The following ZBTB20 variants were observed in gnomAD, a reference collection of about 807,000 sequenced individuals.
ZBTB20 encodes the protein zinc finger and BTB domain containing 20.
A neutral mutation model predicts 56.9 loss-of-function variants in ZBTB20; 9 were observed. That is an observed-to-expected ratio of 0.16 (90% CI 0.10 to 0.28). The LOEUF (loss-of-function observed/expected upper bound fraction) is 0.28. Ranked by LOEUF, ZBTB20 falls within the 10% of genes least tolerant of loss-of-function variation. The pLI is 1.00. For missense variants in ZBTB20, 655 were observed against 1,003.0 expected, an observed-to-expected ratio of 0.65 and a Z score of 4.69; for synonymous variants, 417 against 420.7, an observed-to-expected ratio of 0.99 and a Z score of 0.11.
rs188797471 is a variant in ZBTB20 at position 114,681,095 on chromosome 3, A to G, written c.-295+12433T>C. On this transcript the variant is annotated intron_variant, in intron 6 of 11. Coordinates refer to ENST00000675478, the MANE Select transcript of ZBTB20 (RefSeq NM_001348800.3). ...CATATATTATCTCATTTAAATTATC[A>G]TTTAAAAACCCTTAGATTGTTAGTA... is the stretch of plus-strand genomic sequence containing the variant. Among the ~76,000 whole-genome samples the G allele has an allele frequency of 2.7e-3, 413 of 152,230 alleles. 1 individual carries two copies. Among genetic ancestry groups the G allele is most frequent in the Admixed American group, 5.9e-3 (90 of 15,292 alleles).
rs140537710 is a variant in ZBTB20 at position 114,770,909 on chromosome 3, C to T, written c.-343+30192G>A. Among the ~76,000 whole-genome samples the T allele has an allele frequency of 9.9e-5, 15 of 152,242 alleles. No individual in the cohort carries two copies. In the East Asian group the frequency reaches 2.9e-3, roughly 29 times the overall value. On this transcript the variant is annotated intron_variant, in intron 5 of 11. Coordinates refer to ENST00000675478, the MANE Select transcript of ZBTB20 (RefSeq NM_001348800.3). Reference sequence around the variant, plus strand: ...AATACTACAATGAGCATTTCCTTTGCTCATCATGTCCATGTTCAAAACATT... The same window carrying T: ...AATACTACAATGAGCATTTCCTTTGTTCATCATGTCCATGTTCAAAACATT...
chr3:114,702,118 G>T (rs572996057), intron 5 of ZBTB20, among the ~76,000 whole-genome samples: 2 of 152,196 alleles, frequency 1.3e-5, no homozygotes, highest in South Asian at 4.2e-4. Flanking sequence ...TGGGTGCATG[G>T]CTTGAGCCCA....
intron 5 of ZBTB20, among the ~76,000 whole-genome samples, chr3:114,696,786 G>A (rs1481846444): frequency 6.6e-6 from 1 of 152,000 alleles, no homozygotes; most frequent in South Asian, 2.1e-4. Flanking sequence ...GGGAAGGAGC[G>A]AAGGGCTACA....
chr3:114,552,436 T>A (rs9289000), intron 6 of ZBTB20, among the ~76,000 whole-genome samples: 60,833 of 151,724 alleles, frequency 0.4, 14,670 homozygotes, highest in East Asian at 0.78. Flanking sequence ...CTGTTTTTTT[T>A]TTTTTCCACT....
At chr3:114,368,634 G>A (rs1391968876) in intron 10 of ZBTB20, among the ~76,000 whole-genome samples, 1 of 152,206 alleles carries the variant, frequency 6.6e-6, no homozygotes, top group Admixed American at 6.5e-5. Context: ...CAACACGCAG[G>A]AAAGAATATG....
intron 4 of ZBTB20, among the ~76,000 whole-genome samples, chr3:114,849,719 C>T (rs2074898867): frequency 6.6e-6 from 1 of 151,952 alleles, no homozygotes; most frequent in South Asian, 2.1e-4. Flanking sequence ...GTCCCTAGGT[C>T]ACAGATTATA....
chr3:114,665,029 C>CTGA (rs2060967904), intron 6 of ZBTB20, among the ~76,000 whole-genome samples: 2 of 152,036 alleles, frequency 1.3e-5, no homozygotes. Flanking sequence ...AAAAGCTAAA[C>CTGA]TGATGGAACA....
chr3:114,785,938 T>C (rs1334141564), intron 5 of ZBTB20, among the ~76,000 whole-genome samples: 1 of 152,174 alleles, frequency 6.6e-6, no homozygotes, highest in Admixed American at 6.6e-5. Flanking sequence ...CTGATATCCC[T>C]GTCCCCAGCT....
chr3:114,595,809 G>A (rs1003361569), intron 6 of ZBTB20, among the ~76,000 whole-genome samples: 2 of 152,106 alleles, frequency 1.3e-5, no homozygotes, highest in African/African-American at 2.4e-5. Context: ...CACAAGATAC[G>A]GTCAAGGTTA....
rs1553807144 is a variant in ZBTB20 at position 114,748,279 on chromosome 3, C to CTTTCTTTCT, written c.-343+52821_-343+52822insAGAAAGAAA. ...GATGGTTCTGGGGTTTTTGTTGTAG[C>CTTTCTTTCT]TTCTTTCTTTCTTTCTTTCTTTCTT... On this transcript the variant is annotated intron_variant, in intron 5 of 11. Coordinates refer to ENST00000675478, the MANE Select transcript of ZBTB20 (RefSeq NM_001348800.3). Among the ~76,000 whole-genome samples, 176 of 104,536 alleles carry CTTTCTTTCT rather than the reference C, an allele frequency of 1.7e-3. 2 individuals carry two copies. Among genetic ancestry groups the CTTTCTTTCT allele is most frequent in the East Asian group, 8.6e-3 (28 of 3,258 alleles). 68.6% of individuals were successfully genotyped at this position (104,536 alleles called of 152,430 possible).
intron 4 of ZBTB20, among the ~76,000 whole-genome samples, chr3:114,836,737 A>G (rs1253936557): frequency 6.6e-6 from 1 of 152,144 alleles, no homozygotes; most frequent in Non-Finnish European, 1.5e-5. Flanking sequence ...TCACGAACAA[A>G]AATCACAATT....
At chr3:115,013,197 G>C (rs540205947) in intron 2 of ZBTB20, among the ~76,000 whole-genome samples, 1 of 151,226 alleles carries the variant, frequency 6.6e-6, no homozygotes, top group East Asian at 2.0e-4. Flanking sequence ...ATTAGTGGAA[G>C]AAAATAAATA....
intron 7 of ZBTB20, among the ~76,000 whole-genome samples, chr3:114,456,121 A>G (rs1305622674): frequency 6.6e-6 from 1 of 152,156 alleles, no homozygotes; most frequent in Non-Finnish European, 1.5e-5. Context: ...CCAATTTCTC[A>G]AAATGTTTAA....
chr3:115,035,972 C>G (rs2080900158), intron 2 of ZBTB20, among the ~76,000 whole-genome samples: 1 of 151,914 alleles, frequency 6.6e-6, no homozygotes. Context: ...AAGCCAAACA[C>G]AAAAAGACAA....
At chr3:114,548,290 G>A (rs965092185) in intron 6 of ZBTB20, among the ~76,000 whole-genome samples, 1 of 152,088 alleles carries the variant, frequency 6.6e-6, no homozygotes, top group Admixed American at 6.6e-5. Context: ...AACTGAAGTG[G>A]GCTCTGTTCA....
At position 114,324,809 on chromosome 3, in the gene ZBTB20, G is replaced by A. The variant is rs1391413977; in HGVS notation, c.*14196C>T. On this transcript the variant is annotated 3_prime_UTR_variant, in exon 12 of 12. Transcript: ENST00000675478. ...CAATATTGAGTGATTCTGGAAAAATGATTTGTATTTGATCATCCTCAGGAA... is the reference window on the plus strand; with the variant it reads ...CAATATTGAGTGATTCTGGAAAAATAATTTGTATTTGATCATCCTCAGGAA... 1 of 152,152 alleles carries A rather than the reference G, an allele frequency of 6.6e-6. No individual in the cohort carries two copies. Among genetic ancestry groups the A allele is most frequent in the Non-Finnish European group, 1.5e-5 (1 of 68,014 alleles). 9.4% of individuals were successfully genotyped at this position (152,152 alleles called of 1,614,324 possible).
At chr3:115,036,369 G>C (rs975796815) in intron 2 of ZBTB20, among the ~76,000 whole-genome samples, 2 of 151,176 alleles carry the variant, frequency 1.3e-5, no homozygotes, top group Admixed American at 6.6e-5. Context: ...TCGCGATCTC[G>C]GCTCACTGTA....
At position 114,999,222 on chromosome 3, in the gene ZBTB20, A is replaced by T. The variant is rs189150853; in HGVS notation, c.-506-24806T>A. 4.2e-5 allele frequency among the ~76,000 whole-genome samples: 6 copies of T among 141,776 alleles called. No individual in the cohort carries two copies. In the East Asian group the frequency reaches 1.4e-3, roughly 33 times the overall value. The allele number at this position is 141,776 out of a possible 152,430, so 93.0% of individuals were successfully genotyped here. On this transcript the variant is annotated intron_variant, in intron 2 of 11. Transcript: ENST00000675478. ...GGAAAGGAGGAGGGAAATGAAAGGA[A>T]AGGAAAGGGGGAGGGAAATGAAAGC...
intron 3 of ZBTB20, among the ~76,000 whole-genome samples, chr3:114,957,010 T>C (rs1402486978): frequency 3.9e-5 from 6 of 152,142 alleles, no homozygotes; most frequent in Admixed American, 3.9e-4. Flanking sequence ...CCTTCCCTCA[T>C]TATCATGGCA....
Sources: gnomAD v4.1 joint callset for allele counts (sites outside exome capture counted in the v4.1 genomes callset) on GRCh38, gnomAD v4.1.1 for gene constraint, MANE v1.5 for transcripts, NCBI Gene and HGNC (gene_info 2026-07-23, HGNC 2026-07-21) for gene names.